The following MAST2 variants were observed in gnomAD, a reference collection of about 807,000 sequenced individuals.
MAST2 encodes the protein microtubule associated serine/threonine kinase 2, also known as microtubule-associated serine/threonine-protein kinase 2.
Under a neutral mutation model 147.4 loss-of-function variants are expected in MAST2, and 70 were observed. The ratio of observed to expected loss-of-function variants is 0.47; its 90% confidence interval spans 0.39 to 0.58. The LOEUF (loss-of-function observed/expected upper bound fraction) is 0.58, where lower values mean the gene tolerates loss of function less well. Ranked by LOEUF, MAST2 falls within the 20% of genes least tolerant of loss-of-function variation. The probability of loss-of-function intolerance (pLI) is 0.00; values close to 1 mark genes in which losing one functional copy is unlikely to be tolerated. For missense variants in MAST2, 2,080 were observed against 2,302.3 expected (o/e 0.90, Z 1.98); for synonymous variants, 869 against 896.8 (o/e 0.97, Z 0.55).
chr1:45,852,956 A>G (rs1409639222), intron 3 of MAST2, among the ~76,000 whole-genome samples: 1 of 151,648 alleles, frequency 6.6e-6, no homozygotes, highest in Non-Finnish European at 1.5e-5. Flanking sequence ...TTTTGTTGAG[A>G]TGGTATCTCT....
intron 4 of MAST2, among the ~76,000 whole-genome samples, chr1:45,951,074 T>A (rs550343540): frequency 1.9e-4 from 29 of 151,050 alleles, no homozygotes; most frequent in African/African-American, 6.8e-4. Flanking sequence ...TTTTTTTTAA[T>A]TAGCTGGGCA....
chr1:46,035,701 G>A lies in MAST2; in HGVS notation c.5032G>A (p.Gly1678Ser), dbSNP rs1221506582. Residue 1678 changes from glycine (G) to serine (S), a missense_variant, in exon 29 of 29, where the codon GGT (glycine) becomes AGT (serine). Gly to Ser is a moderately conservative substitution (Grantham distance 56). Around this residue, in one of 4 missense-constraint regions of MAST2, gnomAD observed 1,278 missense variants for 1,304.2 expected, o/e 0.98. Transcript: ENST00000361297. This position sits in a 1 kb window ranked among gnomAD's most constrained non-coding sequence, Gnocchi z 5.5. ...ASPSRKATMA[G>S]GLANLQDLEN... ...CCCAAGCAGAAAGGCAACCATGGCAGGTGGGCTAGCCAACCTCCAGGATTT... is the reference window on the plus strand; with the variant it reads ...CCCAAGCAGAAAGGCAACCATGGCAAGTGGGCTAGCCAACCTCCAGGATTT... 6.2e-7 allele frequency: 1 copy of A among 1,613,980 alleles called. No homozygotes were observed. The highest frequency in any genetic ancestry group is 8.5e-7 in the Non-Finnish European group (1 of 1,180,022).
intron 4 of MAST2, among the ~76,000 whole-genome samples, chr1:45,952,800 A>G (rs796652387): frequency 5.9e-5 from 9 of 152,332 alleles, no homozygotes; most frequent in African/African-American, 2.2e-4. Flanking sequence ...CAAGAGAACA[A>G]AATCTATAGA....
At position 46,033,438 on chromosome 1, in the gene MAST2, T is replaced by TA. The variant is rs140010156; in HGVS notation, c.3538-348dup. On this transcript the variant is annotated intron_variant, in intron 26 of 28. Transcript: ENST00000361297. ...TGGGTGACAGAGTGAGACTCTGTCTTAAAAAAAAAAAAAAAAGATGTAGGT... is the reference window on the plus strand; with the variant it reads ...TGGGTGACAGAGTGAGACTCTGTCTTAAAAAAAAAAAAAAAAAGATGTAGGT... Among the ~76,000 whole-genome samples, 621 of 137,260 alleles carry TA rather than the reference T, an allele frequency of 4.5e-3. 3 individuals are homozygous for TA. Among genetic ancestry groups the TA allele is most frequent in the African/African-American group, 7.4e-3 (275 of 37,314 alleles). 90.0% of individuals were successfully genotyped at this position (137,260 alleles called of 152,430 possible). A position where few individuals can be genotyped will look rare whatever the true frequency, so the allele number is the denominator to read the frequency against.
chr1:45,971,369 G>A (rs542279592), intron 5 of MAST2, among the ~76,000 whole-genome samples: 53 of 152,338 alleles, frequency 3.5e-4, no homozygotes, highest in Non-Finnish European at 6.0e-4. Context: ...CAGGAAGGAC[G>A]TGAAAGACAA....
chr1:45,924,789 C>G (rs960865596), intron 4 of MAST2, among the ~76,000 whole-genome samples: 7 of 152,124 alleles, frequency 4.6e-5, no homozygotes, highest in African/African-American at 1.7e-4. Context: ...GAGATAGATC[C>G]TAATCCAGTA....
chr1:46,034,970 A>C lies in MAST2; in HGVS notation c.4301A>C (p.His1434Pro). 6.2e-7 allele frequency: 1 copy of C among 1,613,988 alleles called. No individual in the cohort carries two copies. The highest frequency in any genetic ancestry group is 2.2e-5 in the East Asian group (1 of 44,864). Residue 1434 changes from histidine to proline, a missense_variant, in exon 29 of 29, where the codon CAC becomes CCC. His to Pro is a moderately conservative substitution (Grantham distance 77). Coordinates refer to ENST00000361297, the MANE Select transcript of MAST2 (RefSeq NM_015112.3). ...CGCAAGCACAGCCTTGACCTGCCCC[A>C]CTCTGAACTAAAGAAGGAACTGCCG... ...TSRKHSLDLP[H>P]SELKKELPPR...
intron 7 of MAST2, among the ~76,000 whole-genome samples, chr1:46,005,902 G>T (rs974896037): frequency 2.0e-5 from 3 of 152,174 alleles, no homozygotes; most frequent in South Asian, 2.1e-4. Flanking sequence ...AACTTAAGAG[G>T]ATGTTATTTG....
At position 45,841,055 on chromosome 1, in the gene MAST2, C is replaced by G. The variant is rs139722386; in HGVS notation, c.468+11474C>G. Among the ~76,000 whole-genome samples the G allele has an allele frequency of 3.4e-3, 524 of 152,226 alleles. 2 individuals are homozygous for G. The highest frequency in any genetic ancestry group is 0.011 in the African/African-American group (475 of 41,546). On this transcript the variant is annotated intron_variant, in intron 3 of 28. Coordinates refer to ENST00000361297, the MANE Select transcript of MAST2 (RefSeq NM_015112.3). The stretch of plus-strand genomic sequence containing the variant: ...GACCTCTTGGGCTTGAGTGATGCTT[C>G]TGCCTCAGGCTGCTCCCTTCCCCAC...
rs113284397 is a variant in MAST2 at position 46,001,601 on chromosome 1, G to A, written c.669-1204G>A. 1.5e-3 allele frequency among the ~76,000 whole-genome samples: 229 copies of A among 152,290 alleles called. 2 individuals are homozygous for A. The highest frequency in any genetic ancestry group is 5.4e-3 in the African/African-American group (223 of 41,550). On this transcript the variant is annotated intron_variant, in intron 6 of 28. Transcript: ENST00000361297. ...GACATGTCTGAACCTCAGAGACTAGGTTCCAGCAGAGTTATAGCCTATATG... is the reference window on the plus strand; with the variant it reads ...GACATGTCTGAACCTCAGAGACTAGATTCCAGCAGAGTTATAGCCTATATG...
chr1:45,967,136 C>T (rs186035960), intron 5 of MAST2, among the ~76,000 whole-genome samples: 10 of 151,752 alleles, frequency 6.6e-5, no homozygotes, highest in Admixed American at 3.9e-4. Flanking sequence ...TGCAGTGATG[C>T]GATCTTGGGT....
chr1:45,977,506 A>C (rs868187773), intron 5 of MAST2, among the ~76,000 whole-genome samples: 2 of 150,062 alleles, frequency 1.3e-5, no homozygotes, highest in Non-Finnish European at 3.0e-5. Context: ...CAAACAAACA[A>C]ACAAACAAAA....
intron 3 of MAST2, among the ~76,000 whole-genome samples, chr1:45,877,146 A>G (rs1321644843): frequency 1.3e-5 from 2 of 152,230 alleles, no homozygotes; most frequent in Non-Finnish European, 2.9e-5. Context: ...TGAGAAGTCC[A>G]AGATCAAGGT....
At chr1:46,033,319 A>G (rs868270456) in intron 26 of MAST2, among the ~76,000 whole-genome samples, 1 of 151,940 alleles carries the variant, frequency 6.6e-6, no homozygotes, top group Admixed American at 6.5e-5. Flanking sequence ...CATGCCTGTA[A>G]TCCCAGCTAC....
intron 5 of MAST2, among the ~76,000 whole-genome samples, chr1:45,982,038 G>T (rs1317634003): frequency 1.3e-5 from 2 of 151,882 alleles, no homozygotes; most frequent in Non-Finnish European, 2.9e-5. Flanking sequence ...TAGTAGAGAC[G>T]GAGTTTCACC....
intron 4 of MAST2, among the ~76,000 whole-genome samples, chr1:45,910,739 A>T (rs1390979134): frequency 6.6e-6 from 1 of 152,264 alleles, no homozygotes; most frequent in Non-Finnish European, 1.5e-5. Flanking sequence ...CAGGAAGGAT[A>T]TAACAGTTAA....
intron 3 of MAST2, among the ~76,000 whole-genome samples, chr1:45,860,209 CA>C (rs1645930550): frequency 6.7e-6 from 1 of 150,202 alleles, no homozygotes; most frequent in Non-Finnish European, 1.5e-5. Flanking sequence ...AATACACACA[CA>C]CACACACACA....
intron 4 of MAST2, among the ~76,000 whole-genome samples, chr1:45,956,128 T>C (rs564447637): frequency 2.1e-4 from 32 of 152,332 alleles, no homozygotes; most frequent in Non-Finnish European, 3.8e-4. Context: ...AATTTGTCCT[T>C]GTGAGTCCCA....
intron 4 of MAST2, among the ~76,000 whole-genome samples, chr1:45,945,294 C>T (rs1376014110): frequency 2.0e-5 from 3 of 151,938 alleles, no homozygotes; most frequent in African/African-American, 7.3e-5. Flanking sequence ...GAGTGAAACC[C>T]TATCTCAAAA....
Sources: gnomAD v4.1 joint callset for allele counts (sites outside exome capture counted in the v4.1 genomes callset) on GRCh38, gnomAD v4.1.1 for gene constraint, gnomAD v4.1.1 regional missense constraint, Gnocchi (gnomAD v3.1) non-coding constraint, MANE v1.5 for transcripts, NCBI Gene and HGNC (gene_info 2026-07-23, HGNC 2026-07-21) for gene names.